PLCXD3: variants seen among roughly 807,000 people sequenced by gnomAD.
The protein encoded by PLCXD3 is PI-PLC X domain-containing protein 3.
Under a neutral mutation model 25.5 loss-of-function variants are expected in PLCXD3, and 19 were observed. The ratio of observed to expected loss-of-function variants is 0.75; its 90% CI spans 0.52 to 1.09. The LOEUF (loss-of-function observed/expected upper bound fraction) is 1.09. PLCXD3 is among the 50% of genes least tolerant of loss of function. The pLI is 0.00. For synonymous variants in PLCXD3, 174 were observed against 137.6 expected, an observed-to-expected ratio of 1.26 and a Z score of -1.85; for missense variants, 411 against 388.1, an observed-to-expected ratio of 1.06 and a Z score of -0.50.
At chr5:41,457,223 A>T (rs1208515604) in intron 1 of PLCXD3, among the ~76,000 whole-genome samples, 1 of 152,004 alleles carries the variant, frequency 6.6e-6, no homozygotes, top group East Asian at 1.9e-4. Flanking sequence ...GCCTCATATC[A>T]GACAGCCACT....
At chr5:41,440,969 T>C (rs1197048523) in intron 1 of PLCXD3, among the ~76,000 whole-genome samples, 1 of 152,182 alleles carries the variant, frequency 6.6e-6, no homozygotes, top group African/African-American at 2.4e-5. Flanking sequence ...GGAAAGTTAG[T>C]GTATAATGCA....
intron 1 of PLCXD3, among the ~76,000 whole-genome samples, chr5:41,457,267 C>A (rs930005632): frequency 4.6e-5 from 7 of 151,818 alleles, no homozygotes; most frequent in African/African-American, 1.5e-4. Context: ...TATCTGAGAA[C>A]CCTCTGTTTT....
intron 2 of PLCXD3, among the ~76,000 whole-genome samples, chr5:41,363,421 T>C (rs961287457): frequency 2.0e-5 from 3 of 152,234 alleles, no homozygotes; most frequent in Non-Finnish European, 4.4e-5. Context: ...ATATTTTCTC[T>C]TATCTTATTC....
chr5:41,367,824 T>A (rs1402383278), intron 2 of PLCXD3, among the ~76,000 whole-genome samples: 1 of 152,180 alleles, frequency 6.6e-6, no homozygotes, highest in Admixed American at 6.5e-5. Context: ...GTATATGGCG[T>A]AAAGAAGGGG....
At chr5:41,397,193 T>A (rs1444389890) in intron 1 of PLCXD3, among the ~76,000 whole-genome samples, 1 of 152,136 alleles carries the variant, frequency 6.6e-6, no homozygotes, top group African/African-American at 2.4e-5. Context: ...GCCCCTCCTA[T>A]CACAGGCCTG....
In PLCXD3 at chr5:41,308,248, G is replaced by A. The variant is rs571268560; in HGVS notation, c.*5369C>T. The A allele has an allele frequency of 2.6e-5, 4 of 152,106 alleles. No homozygotes were observed. Among genetic ancestry groups the A allele is most frequent in the South Asian group, 2.1e-4 (1 of 4,818 alleles). The allele number at this position is 152,106 out of a possible 1,614,324, so 9.4% of individuals were successfully genotyped here. On this transcript the variant is annotated 3_prime_UTR_variant, in exon 3 of 3. Transcript: ENST00000377801. ...GTGAGATTTAGGAAAAAATATATAG[G>A]ACATACCCAGTTACATTTGAATTTC...
At chr5:41,444,201 C>T (rs1747446635) in intron 1 of PLCXD3, among the ~76,000 whole-genome samples, 1 of 152,120 alleles carries the variant, frequency 6.6e-6, no homozygotes, top group African/African-American at 2.4e-5. Context: ...GTTACCTAGT[C>T]TTACCCTGGG....
intron 1 of PLCXD3, among the ~76,000 whole-genome samples, chr5:41,436,226 C>T (rs1580372459): frequency 6.6e-6 from 1 of 151,734 alleles, no homozygotes; most frequent in East Asian, 1.9e-4. Context: ...TAGCAATTAT[C>T]TAGTATAGCA....
intron 2 of PLCXD3, among the ~76,000 whole-genome samples, chr5:41,371,174 A>G (rs1333996495): frequency 6.6e-6 from 1 of 152,176 alleles, no homozygotes; most frequent in Admixed American, 6.6e-5. Context: ...TGTTTTAATG[A>G]GAAAAAGAAC....
intron 1 of PLCXD3, among the ~76,000 whole-genome samples, chr5:41,446,191 A>AAAAAAAAAAAAAAAAAAAAAAAAAAAAAC (rs1561275936): frequency 6.7e-6 from 1 of 148,662 alleles, no homozygotes; most frequent in Non-Finnish European, 1.5e-5. Context: ...AAAAAAAAAA[A>AAAAAAAAAAAAAAAAAAAAAAAAAAAAAC]AAAAAAAAAA....
At chr5:41,465,097 A>G (rs1293827354) in intron 1 of PLCXD3, among the ~76,000 whole-genome samples, 1 of 151,818 alleles carries the variant, frequency 6.6e-6, no homozygotes, top group African/African-American at 2.4e-5. Flanking sequence ...ATTTATTGTA[A>G]AATTGTTTCT....
chr5:41,474,171 A>C (rs193230442), intron 1 of PLCXD3, among the ~76,000 whole-genome samples: 1 of 152,336 alleles, frequency 6.6e-6, no homozygotes, highest in Non-Finnish European at 1.5e-5. Flanking sequence ...CTAGTGAGCA[A>C]AGGCAGCCCC....
intron 1 of PLCXD3, among the ~76,000 whole-genome samples, chr5:41,398,790 C>G (rs1746087825): frequency 6.6e-6 from 1 of 152,086 alleles, no homozygotes. Flanking sequence ...ACTCTAAAAT[C>G]TAGAACACAA....
intron 1 of PLCXD3, among the ~76,000 whole-genome samples, chr5:41,444,075 T>C (rs530550352): frequency 9.2e-5 from 14 of 152,296 alleles, no homozygotes; most frequent in African/African-American, 3.4e-4. Flanking sequence ...TAGGCCAGTA[T>C]CTTTAATTAA....
At chr5:41,477,232 A>T (rs1009699537) in intron 1 of PLCXD3, among the ~76,000 whole-genome samples, 2 of 152,180 alleles carry the variant, frequency 1.3e-5, no homozygotes, top group Admixed American at 6.5e-5. Context: ...TAGAAATGGT[A>T]CTTACTACTA....
intron 1 of PLCXD3, among the ~76,000 whole-genome samples, chr5:41,389,296 T>C (rs1745737095): frequency 6.6e-6 from 1 of 152,136 alleles, no homozygotes; most frequent in Admixed American, 6.6e-5. Flanking sequence ...GACCACAAAA[T>C]GAATACCAGT....
At chr5:41,385,984 C>A (rs1337883506) in intron 1 of PLCXD3, among the ~76,000 whole-genome samples, 1 of 152,056 alleles carries the variant, frequency 6.6e-6, no homozygotes, top group Non-Finnish European at 1.5e-5. Context: ...TTAAGTAATG[C>A]TTAGCTTCCT....
intron 2 of PLCXD3, among the ~76,000 whole-genome samples, chr5:41,377,229 T>C (rs1745322179): frequency 6.6e-6 from 1 of 152,076 alleles, no homozygotes; most frequent in African/African-American, 2.4e-5. Flanking sequence ...TACCTCCACT[T>C]GGAGGTTTTA....
intron 1 of PLCXD3, among the ~76,000 whole-genome samples, chr5:41,451,514 C>A (rs891146473): frequency 4.0e-5 from 6 of 151,834 alleles, no homozygotes; most frequent in African/African-American, 9.7e-5. Context: ...ACTGTGGTAA[C>A]AAAAGTGTTA....
Sources: allele counts gnomAD v4.1 joint callset (sites outside exome capture counted in the v4.1 genomes callset), GRCh38; gene constraint gnomAD v4.1.1; transcripts MANE v1.5; gene names NCBI Gene and HGNC (gene_info 2026-07-23, HGNC 2026-07-21).